PLXDC2: variants seen among roughly 807,000 people sequenced by gnomAD.
PLXDC2 encodes plexin domain-containing protein 2.
A neutral mutation model predicts 68.9 loss-of-function variants in PLXDC2; 40 were observed. The observed-to-expected ratio is 0.58, with a 90% CI of 0.45 to 0.76. The LOEUF is 0.76. PLXDC2 is among the 30% of genes least tolerant of loss of function. The probability of loss-of-function intolerance (pLI) is 0.00; values close to 1 mark genes in which losing one functional copy is unlikely to be tolerated. For synonymous variants in PLXDC2, 243 were observed against 234.2 expected (o/e 1.04, Z -0.34); for missense variants, 644 against 661.9 (o/e 0.97, Z 0.30).
At chr10:19,842,933 G>A (rs182732987) in intron 1 of PLXDC2, among the ~76,000 whole-genome samples, 1 of 152,144 alleles carries the variant, frequency 6.6e-6, no homozygotes, top group South Asian at 2.1e-4. Context: ...AAAAAAAGCA[G>A]TGCACAGCTA....
In PLXDC2 at chr10:19,858,038, T is replaced by C. The variant is rs74444333; in HGVS notation, c.112+40847T>C. 7.7e-3 allele frequency among the ~76,000 whole-genome samples: 1,178 copies of C among 152,316 alleles called. 15 individuals carry two copies. Among genetic ancestry groups the C allele is most frequent in the African/African-American group, 0.027 (1,115 of 41,574 alleles). On this transcript the variant is annotated intron_variant, in intron 1 of 13. Coordinates refer to ENST00000377252, the MANE Select transcript of PLXDC2 (RefSeq NM_032812.9). The stretch of plus-strand genomic sequence containing the variant: ...GACTTCCCGTTCATCTGTTTGCTTT[T>C]ATTACTGTTGTTTGGGAGCAACATG...
chr10:20,122,174 A>T (rs193054586), intron 4 of PLXDC2, among the ~76,000 whole-genome samples: 3 of 152,068 alleles, frequency 2.0e-5, no homozygotes, highest in African/African-American at 7.3e-5. Flanking sequence ...ACTAAAAGGA[A>T]TGCTTAAAAG....
At chr10:20,061,302 C>T (rs940004062) in intron 3 of PLXDC2, among the ~76,000 whole-genome samples, 1 of 152,204 alleles carries the variant, frequency 6.6e-6, no homozygotes, top group Non-Finnish European at 1.5e-5. Flanking sequence ...CTTTGCCTTT[C>T]ATAAACATGA....
intron 12 of PLXDC2, among the ~76,000 whole-genome samples, chr10:20,221,900 TCTTGATTTAATTTATTTA>T (rs1304576251): frequency 6.6e-6 from 1 of 152,194 alleles, no homozygotes; most frequent in East Asian, 1.9e-4. Context: ...ACATTTGATT[TCTTGATTTAATTTATTTA>T]ATTGGACCGC....
chr10:19,848,286 C>G (rs1837050967), intron 1 of PLXDC2, among the ~76,000 whole-genome samples: 1 of 152,170 alleles, frequency 6.6e-6, no homozygotes, highest in African/African-American at 2.4e-5. Context: ...GGAATGGATC[C>G]TTTCTTTAGA....
At chr10:19,971,459 T>C (rs558881376) in intron 1 of PLXDC2, among the ~76,000 whole-genome samples, 92 of 152,206 alleles carry the variant, frequency 6.0e-4, no homozygotes, top group Non-Finnish European at 1.1e-3. Context: ...ATACCGGAAA[T>C]CAGAGGTAAG....
chr10:20,225,383 G>T (rs188655417), intron 12 of PLXDC2, among the ~76,000 whole-genome samples: 1 of 151,248 alleles, frequency 6.6e-6, no homozygotes, highest in African/African-American at 2.4e-5. Context: ...GATTTTTTTT[G>T]TACACTTCTT....
chr10:19,872,963 T>A (rs549024423), intron 1 of PLXDC2, among the ~76,000 whole-genome samples: 84 of 152,202 alleles, frequency 5.5e-4, no homozygotes, highest in Non-Finnish European at 1.0e-3. Flanking sequence ...ATCTTTATGC[T>A]GATTCAAATG....
intron 1 of PLXDC2, among the ~76,000 whole-genome samples, chr10:19,840,997 T>G (rs947279815): frequency 6.6e-6 from 1 of 152,194 alleles, no homozygotes; most frequent in Non-Finnish European, 1.5e-5. Context: ...CTAGAATCCT[T>G]ATGAAGCAAG....
intron 9 of PLXDC2, among the ~76,000 whole-genome samples, chr10:20,211,240 G>T (rs763076639): frequency 1.3e-5 from 2 of 152,002 alleles, no homozygotes; most frequent in African/African-American, 4.8e-5. Context: ...GGTCTTGAAT[G>T]AATGAGTAAA....
chr10:20,236,098 C>A (rs982358106), intron 12 of PLXDC2, among the ~76,000 whole-genome samples: 1 of 151,962 alleles, frequency 6.6e-6, no homozygotes, highest in Admixed American at 6.6e-5. Context: ...TTTCTTTTTC[C>A]CTGTGGATTC....
chr10:20,175,452 T>TAGG (rs1348477854), intron 7 of PLXDC2, among the ~76,000 whole-genome samples: 1 of 152,108 alleles, frequency 6.6e-6, no homozygotes, highest in East Asian at 1.9e-4. Context: ...GAGACCAAAG[T>TAGG]AGGAGGATTG....
chr10:20,177,729 A>T (rs553814706), intron 9 of PLXDC2, among the ~76,000 whole-genome samples: 12 of 129,504 alleles, frequency 9.3e-5, no homozygotes, highest in African/African-American at 3.5e-4. Flanking sequence ...ACATAGCCAG[A>T]CCCCATTTTT....
At chr10:19,914,722 G>A (rs554676694) in intron 1 of PLXDC2, among the ~76,000 whole-genome samples, 1 of 152,330 alleles carries the variant, frequency 6.6e-6, no homozygotes, top group East Asian at 1.9e-4. Flanking sequence ...CAGAATCTGA[G>A]AGAAACTTTT....
chr10:20,195,391 C>T (rs956092433), intron 9 of PLXDC2, among the ~76,000 whole-genome samples: 11 of 152,058 alleles, frequency 7.2e-5, no homozygotes, highest in African/African-American at 1.4e-4. Flanking sequence ...CCAAATCAAC[C>T]GTGATTAGAA....
intron 1 of PLXDC2, among the ~76,000 whole-genome samples, chr10:19,950,690 C>A (rs558779434): frequency 6.6e-6 from 1 of 152,074 alleles, no homozygotes; most frequent in Non-Finnish European, 1.5e-5. Flanking sequence ...GCCCAAATAG[C>A]CAAAGCAACC....
chr10:19,819,029 TATACACAC>T (rs1035183884), intron 1 of PLXDC2, among the ~76,000 whole-genome samples: 1 of 83,362 alleles, frequency 1.2e-5, no homozygotes, highest in African/African-American at 6.5e-5. Flanking sequence ...AGAATATATG[TATACACAC>T]ACACACACAC....
intron 2 of PLXDC2, among the ~76,000 whole-genome samples, chr10:20,009,577 G>C (rs1221887402): frequency 1.3e-5 from 2 of 151,790 alleles, no homozygotes; most frequent in East Asian, 3.9e-4. Flanking sequence ...ATGAAAGCAT[G>C]TGAAAGCACG....
rs551317590 is a variant in PLXDC2, at chr10:20,247,705, G to A, written c.1473+2200G>A. On this transcript the variant is annotated intron_variant, in intron 13 of 13. Transcript: ENST00000377252. Reference sequence around the variant, plus strand: ...GTCCAGTATGCGCATGATTTATTCTGCCCTGCAAGACTTGTAAGTGCCTTA... The same window carrying A: ...GTCCAGTATGCGCATGATTTATTCTACCCTGCAAGACTTGTAAGTGCCTTA... Among the ~76,000 whole-genome samples the A allele has an allele frequency of 4.6e-5, 7 of 152,156 alleles. No individual in the cohort carries two copies. In the South Asian group the frequency reaches 8.3e-4, roughly 18 times the overall value.
Sources: gnomAD v4.1 joint callset for allele counts (sites outside exome capture counted in the v4.1 genomes callset) on GRCh38, gnomAD v4.1.1 for gene constraint, MANE v1.5 for transcripts, NCBI Gene and HGNC (gene_info 2026-07-23, HGNC 2026-07-21) for gene names.